The following SPARC variants were observed in gnomAD, a reference collection of about 807,000 sequenced individuals.
SPARC encodes the protein secreted protein acidic and cysteine rich.
Under a neutral mutation model 37.7 loss-of-function variants are expected in SPARC, and 23 were observed. The observed-to-expected ratio is 0.61, with a 90% CI of 0.44 to 0.87. The LOEUF (loss-of-function observed/expected upper bound fraction) is 0.87. Among genes scored for constraint, SPARC ranks in the 40% least tolerant of loss-of-function variants. The pLI, the probability that SPARC is intolerant of heterozygous loss-of-function variation, is 0.00. For synonymous variants in SPARC, 155 were observed against 150.8 expected (o/e 1.03, Z -0.20); for missense variants, 312 against 389.0 (o/e 0.80, Z 1.66).
chr5:151,669,723 G>A lies in SPARC; in HGVS notation c.392C>T (p.Thr131Ile), dbSNP rs1399895381. 1 of 1,614,222 alleles carries A rather than the reference G, an allele frequency of 6.2e-7. No homozygotes were observed. The highest frequency in any genetic ancestry group is 8.5e-7 in the Non-Finnish European group (1 of 1,180,040). Residue 131 changes from threonine (T) to isoleucine (I), a missense_variant, in exon 6 of 10, where the codon ACC (threonine) becomes ATC (isoleucine). Thr to Ile is a moderately conservative substitution (Grantham distance 89). Coordinates refer to ENST00000231061, the MANE Select transcript of SPARC (RefSeq NM_003118.4). Reference protein sequence around the residue: ...SSCHFFATKCTLEGTKKGHKL... With the variant: ...SSCHFFATKCILEGTKKGHKL... ...GTGGCCCTTCTTGGTGCCCTCCAGG[G>A]TGCACTTTGTGGCAAAGAAGTGGCA...
intron 1 of SPARC, among the ~76,000 whole-genome samples, chr5:151,683,406 G>C (rs142872614): frequency 2.0e-5 from 3 of 152,234 alleles, no homozygotes; most frequent in African/African-American, 4.8e-5. Context: ...TGGGGATTGG[G>C]GGGGAAGGCA....
chr5:151,684,841 T>A (rs1466761139), intron 1 of SPARC, among the ~76,000 whole-genome samples: 1 of 152,108 alleles, frequency 6.6e-6, no homozygotes, highest in African/African-American at 2.4e-5. Flanking sequence ...GGTCAAATGG[T>A]ACCTTCAGGG....
chr5:151,671,920 G>C, intron 4 of SPARC: 2 of 523,118 alleles, frequency 3.8e-6, no homozygotes, highest in South Asian at 5.2e-5. Context: ...TAGAGGTCAG[G>C]CACTTCTGGG....
chr5:151,667,630 C>T (rs1016209512), intron 6 of SPARC, 30 bp from the exon 7 acceptor site: 3 of 1,611,974 alleles, frequency 1.9e-6, no homozygotes, highest in Non-Finnish European at 2.5e-6. Context: ...GCGGTCAGCA[C>T]AGACCCTGCC....
intron 5 of SPARC, among the ~76,000 whole-genome samples, chr5:151,670,602 T>C (rs1325021322): frequency 1.3e-5 from 2 of 152,170 alleles, no homozygotes; most frequent in Non-Finnish European, 2.9e-5. Flanking sequence ...TGAGTACAAC[T>C]GTATGCTGAG....
rs777321447 is a variant in SPARC at position 151,661,251 on chromosome 5, T to C, written c.*2320A>G. On this transcript the variant is annotated 3_prime_UTR_variant, in exon 10 of 10. Coordinates refer to ENST00000231061, the MANE Select transcript of SPARC (RefSeq NM_003118.4). ...CCTACTCATAAGATCCCCTAACACA[T>C]TGCAGGTACCTGATGAATGTCGCCG... 2 of 152,174 alleles carry C rather than the reference T, an allele frequency of 1.3e-5. No homozygotes were observed. The highest frequency in any genetic ancestry group is 2.4e-5 in the African/African-American group (1 of 41,428). 9.4% of individuals were successfully genotyped at this position (152,174 alleles called of 1,614,324 possible).
intron 8 of SPARC, among the ~76,000 whole-genome samples, chr5:151,664,778 G>C (rs1760587667): frequency 6.6e-6 from 1 of 152,134 alleles, no homozygotes; most frequent in Non-Finnish European, 1.5e-5. Context: ...TGGCAGTGAG[G>C]GTCAACGGGA....
At chr5:151,681,299 T>C (rs1178194523) in intron 1 of SPARC, among the ~76,000 whole-genome samples, 1 of 152,144 alleles carries the variant, frequency 6.6e-6, no homozygotes, top group East Asian at 1.9e-4. Flanking sequence ...CTCACACCCC[T>C]GGGAGCAGAC....
At chr5:151,669,541 G>C (rs1760701058) in intron 6 of SPARC, 123 bp downstream of exon 6, 1 of 1,170,450 alleles carries the variant, frequency 8.5e-7, no homozygotes, top group Admixed American at 2.7e-5. Flanking sequence ...GGGATGCCGA[G>C]ACTCAGAAAG....
chr5:151,673,964 C>CTG (rs1491173105), intron 3 of SPARC, among the ~76,000 whole-genome samples: 2 of 122,052 alleles, frequency 1.6e-5, no homozygotes, highest in East Asian at 2.2e-4. Flanking sequence ...CTCCCCTTTC[C>CTG]TCTGTGTGTG....
rs1449980642 is a variant in SPARC, at chr5:151,661,886, G to GCA, written c.*1683_*1684dup. 6.6e-6 allele frequency: 1 copy of GCA among 152,154 alleles called. No individual in the cohort carries two copies. Among genetic ancestry groups the GCA allele is most frequent in the Admixed American group, 6.5e-5 (1 of 15,274 alleles). 9.4% of individuals were successfully genotyped at this position (152,154 alleles called of 1,614,324 possible). A position where few individuals can be genotyped will look rare whatever the true frequency, so the allele number is the denominator to read the frequency against. On this transcript the variant is annotated 3_prime_UTR_variant, in exon 10 of 10. Transcript: ENST00000231061. The stretch of plus-strand genomic sequence containing the variant: ...AGTGGCTGCCGTACGGAACAGTACA[G>GCA]CACTAGAATAATGCTGTGTCCTCCT...
chr5:151,672,922 G>A (rs1760778180), intron 4 of SPARC: 1 of 569,382 alleles, frequency 1.8e-6, no homozygotes, highest in Non-Finnish European at 3.2e-6. Flanking sequence ...CACATGGATG[G>A]CCTGGAAACC....
In SPARC at chr5:151,676,214, G is replaced by A. The variant is rs375445438; in HGVS notation, c.-13-13C>T. The A allele has an allele frequency of 8.4e-5, 134 of 1,594,052 alleles. No homozygotes were observed. Among genetic ancestry groups the A allele is most frequent in the Non-Finnish European group, 1.1e-4 (123 of 1,166,336 alleles). ...GGTGCTGGGAACCCTATGGGGAGGA[G>A]AGATTGAGAGTTCAGTGAGGGTGAG... is the stretch of plus-strand genomic sequence containing the variant. On this transcript the variant is annotated splice_polypyrimidine_tract_variant and intron_variant, in intron 1 of 9. Transcript: ENST00000231061.
Position 151,667,495 on chromosome 5 carries a change from T to C in SPARC, c.557A>G (p.Asn186Ser), listed in dbSNP as rs912286553. The change falls in exon 7 of 10, where the codon AAC (asparagine) becomes AGC (serine). Residue 186 changes from asparagine to serine, a missense_variant. By Grantham distance (46) the Asn-to-Ser change is conservative. Coordinates refer to ENST00000231061, the MANE Select transcript of SPARC (RefSeq NM_003118.4). Reference sequence around the variant, plus strand: ...CAGCTTCTGCTTCTCAGTCAGAAGGTTGTTGTCCTCATCCCTCTCATACAG... The same window carrying C: ...CAGCTTCTGCTTCTCAGTCAGAAGGCTGTTGTCCTCATCCCTCTCATACAG... ...VTLYERDEDN[N>S]LLTEKQKLRV... 17 of 1,614,020 alleles carry C rather than the reference T, an allele frequency of 1.1e-5. No individual in the cohort carries two copies. Among genetic ancestry groups the C allele is most frequent in the Admixed American group, 1.7e-5 (1 of 60,002 alleles).
rs111796603 is a variant in SPARC at position 151,669,663 on chromosome 5, C to T, written c.451+1G>A. On this transcript the variant is annotated splice_donor_variant, in intron 6 of 9. Coordinates refer to ENST00000231061, the MANE Select transcript of SPARC (RefSeq NM_003118.4). LOFTEE classifies it high-confidence loss of function. ...GTCTGGAAGGGCCCAAGGACACTCA[C>T]ATTTGCAAGGCCCGATGTAGTCCAG... 1.2e-6 allele frequency: 2 copies of T among 1,614,138 alleles called. No homozygotes were observed. Among genetic ancestry groups the T allele is most frequent in the Non-Finnish European group, 1.7e-6 (2 of 1,179,968 alleles).
intron 1 of SPARC, among the ~76,000 whole-genome samples, chr5:151,683,767 A>C (rs893266318): frequency 6.6e-6 from 1 of 152,176 alleles, no homozygotes; most frequent in African/African-American, 2.4e-5. Context: ...ATTCATTGAG[A>C]TATATTCCTG....
chr5:151,682,563 TAG>T (rs1234145028), intron 1 of SPARC, among the ~76,000 whole-genome samples: 2 of 152,168 alleles, frequency 1.3e-5, no homozygotes, highest in Non-Finnish European at 2.9e-5. Flanking sequence ...TCCTAAAGCT[TAG>T]AGAGTCATCA....
chr5:151,662,492 T>C lies in SPARC; in HGVS notation c.*1079A>G, dbSNP rs1220681381. The C allele has an allele frequency of 6.6e-6, 1 of 152,640 alleles. No homozygotes were observed. Among genetic ancestry groups the C allele is most frequent in the Non-Finnish European group, 1.5e-5 (1 of 68,036 alleles). 9.5% of individuals were successfully genotyped at this position (152,640 alleles called of 1,614,324 possible). On this transcript the variant is annotated 3_prime_UTR_variant, in exon 10 of 10. Coordinates refer to ENST00000231061, the MANE Select transcript of SPARC (RefSeq NM_003118.4). ...AGGATTTGTGAAACTCTTCACATCATGGTGAGAGTTTGTATGATTAATAAG... is the reference window on the plus strand; with the variant it reads ...AGGATTTGTGAAACTCTTCACATCACGGTGAGAGTTTGTATGATTAATAAG...
rs572883824 is a variant in SPARC at position 151,661,897 on chromosome 5, A to C, written c.*1674T>G. ...TACGGAACAGTACAGCACTAGAATA[A>C]TGCTGTGTCCTCCTGTTACACATAC... On this transcript the variant is annotated 3_prime_UTR_variant, in exon 10 of 10. Coordinates refer to ENST00000231061, the MANE Select transcript of SPARC (RefSeq NM_003118.4). 8.5e-5 allele frequency: 13 copies of C among 152,308 alleles called. No homozygotes were observed. The highest frequency in any genetic ancestry group is 2.1e-4 in the South Asian group (1 of 4,824). The allele number at this position is 152,308 out of a possible 1,614,324, so 9.4% of individuals were successfully genotyped here.
Sources: gnomAD v4.1 joint callset for allele counts (sites outside exome capture counted in the v4.1 genomes callset) on GRCh38, gnomAD v4.1.1 for gene constraint, MANE v1.5 for transcripts, NCBI Gene and HGNC (gene_info 2026-07-23, HGNC 2026-07-21) for gene names.